The following FAM110B variants were observed in gnomAD, a reference collection of about 807,000 sequenced individuals.
FAM110B encodes family with sequence similarity 110 member B.
FAM110B carries 6 observed loss-of-function variants against 20.4 expected under a neutral mutation model. That is an observed-to-expected ratio of 0.29 (90% CI 0.16 to 0.58). FAM110B has a LOEUF of 0.58. Ranked by LOEUF, FAM110B falls within the 20% of genes least tolerant of loss-of-function variation. FAM110B has a pLI of 0.90. For synonymous variants in FAM110B, 226 were observed against 214.1 expected, an observed-to-expected ratio of 1.06 and a Z score of -0.49; for missense variants, 434 against 498.2, an observed-to-expected ratio of 0.87 and a Z score of 1.23.
At chr8:57,998,587 G>A (rs776192553) in intron 1 of FAM110B, among the ~76,000 whole-genome samples, 31 of 152,258 alleles carry the variant, frequency 2.0e-4, no homozygotes, top group Non-Finnish European at 4.0e-4. Flanking sequence ...ATACAAAAAT[G>A]TAATATTTGG....
At chr8:58,049,390 T>G (rs963493304) in intron 2 of FAM110B, among the ~76,000 whole-genome samples, 1 of 152,178 alleles carries the variant, frequency 6.6e-6, no homozygotes, top group Non-Finnish European at 1.5e-5. Flanking sequence ...AAATATTTCT[T>G]GAAAAGCTAG....
chr8:58,011,972 T>A (rs1306238454), intron 1 of FAM110B, among the ~76,000 whole-genome samples: 1 of 152,188 alleles, frequency 6.6e-6, no homozygotes, highest in Non-Finnish European at 1.5e-5. Context: ...TGAAGGATAT[T>A]CCAGAGATGG....
intron 3 of FAM110B, among the ~76,000 whole-genome samples, chr8:58,081,478 A>C (rs113289919): frequency 5.3e-5 from 8 of 152,312 alleles, no homozygotes; most frequent in African/African-American, 1.9e-4. Flanking sequence ...AATTGCTGGG[A>C]TTATAGGCGT....
At chr8:58,081,120 A>G (rs1403490727) in intron 3 of FAM110B, among the ~76,000 whole-genome samples, 1 of 151,722 alleles carries the variant, frequency 6.6e-6, no homozygotes, top group African/African-American at 2.4e-5. Flanking sequence ...TCACCAAACA[A>G]CCCCATTACT....
intron 2 of FAM110B, among the ~76,000 whole-genome samples, chr8:58,074,214 T>G (rs968812899): frequency 2.6e-5 from 4 of 152,122 alleles, no homozygotes; most frequent in Non-Finnish European, 5.9e-5. Context: ...TAACTCTAAC[T>G]CTGGTTTGTT....
At chr8:58,136,154 G>A (rs1803608789) in intron 3 of FAM110B, among the ~76,000 whole-genome samples, 2 of 151,952 alleles carry the variant, frequency 1.3e-5, no homozygotes, top group African/African-American at 2.4e-5. Flanking sequence ...TGGGATTACA[G>A]GCACGTGCCA....
intron 2 of FAM110B, among the ~76,000 whole-genome samples, chr8:58,044,225 C>T (rs1399826501): frequency 6.6e-6 from 1 of 152,162 alleles, no homozygotes; most frequent in Admixed American, 6.5e-5. Context: ...AATGTGCAAT[C>T]CTAGGGGTGC....
chr8:58,036,680 C>T (rs538371974), intron 2 of FAM110B, among the ~76,000 whole-genome samples: 1 of 152,320 alleles, frequency 6.6e-6, no homozygotes, highest in South Asian at 2.1e-4. Context: ...CACATGTGCA[C>T]ATGCAAACAC....
intron 3 of FAM110B, among the ~76,000 whole-genome samples, chr8:58,143,046 C>T (rs1009739355): frequency 1.3e-5 from 2 of 152,232 alleles, no homozygotes; most frequent in African/African-American, 2.4e-5. Context: ...AAAGTCTACA[C>T]TACAAAACTC....
At chr8:58,027,583 G>A (rs1433749540) in intron 1 of FAM110B, among the ~76,000 whole-genome samples, 3 of 152,032 alleles carry the variant, frequency 2.0e-5, no homozygotes, top group African/African-American at 4.8e-5. Flanking sequence ...GTGTTCTGTC[G>A]GGCGTCTTTG....
intron 2 of FAM110B, among the ~76,000 whole-genome samples, chr8:58,051,921 A>G (rs1234030651): frequency 6.6e-6 from 1 of 152,164 alleles, no homozygotes. Flanking sequence ...TGGATAATGG[A>G]TCTATAACAT....
chr8:58,095,086 G>A (rs531883972), intron 3 of FAM110B, among the ~76,000 whole-genome samples: 6 of 152,058 alleles, frequency 3.9e-5, no homozygotes, highest in South Asian at 4.2e-4. Flanking sequence ...TTGTGGGATC[G>A]GTGGTGATAT....
At chr8:58,143,199 C>T (rs1803779347) in intron 3 of FAM110B, among the ~76,000 whole-genome samples, 1 of 152,248 alleles carries the variant, frequency 6.6e-6, no homozygotes, top group Non-Finnish European at 1.5e-5. Flanking sequence ...AGTAGGTTTA[C>T]TTTGTTGGCT....
intron 3 of FAM110B, among the ~76,000 whole-genome samples, chr8:58,080,499 C>A (rs1264133998): frequency 6.6e-6 from 1 of 152,154 alleles, no homozygotes; most frequent in African/African-American, 2.4e-5. Flanking sequence ...TTCTCACTTT[C>A]TTTTCAACCT....
chr8:58,010,013 T>C (rs1469645673), intron 1 of FAM110B, among the ~76,000 whole-genome samples: 1 of 152,158 alleles, frequency 6.6e-6, no homozygotes, highest in Non-Finnish European at 1.5e-5. Context: ...CGGCTCTCTC[T>C]GTAGCTGGTG....
intron 3 of FAM110B, among the ~76,000 whole-genome samples, chr8:58,081,966 A>G (rs1042120324): frequency 1.2e-4 from 18 of 152,146 alleles, no homozygotes; most frequent in Admixed American, 1.0e-3. Flanking sequence ...CTTAAATTGT[A>G]TGATCAATTT....
intron 2 of FAM110B, among the ~76,000 whole-genome samples, chr8:58,068,056 A>T (rs1476579310): frequency 6.6e-6 from 1 of 152,232 alleles, no homozygotes; most frequent in Non-Finnish European, 1.5e-5. Context: ...CAGCTTTTTC[A>T]GTGCCTATTT....
At chr8:58,039,171 AG>A (rs1233712450) in intron 2 of FAM110B, among the ~76,000 whole-genome samples, 1 of 152,210 alleles carries the variant, frequency 6.6e-6, no homozygotes, top group Non-Finnish European at 1.5e-5. Flanking sequence ...TGGCACTCAC[AG>A]GGCCCCTCCT....
intron 3 of FAM110B, among the ~76,000 whole-genome samples, chr8:58,124,104 A>G (rs1373991305): frequency 2.0e-5 from 3 of 152,190 alleles, no homozygotes; most frequent in Non-Finnish European, 4.4e-5. Flanking sequence ...AGTGAAGGAG[A>G]CAAAGTGGAA....
Sources: allele counts gnomAD v4.1 joint callset (sites outside exome capture counted in the v4.1 genomes callset), GRCh38; gene constraint gnomAD v4.1.1; transcripts MANE v1.5; gene names NCBI Gene and HGNC (gene_info 2026-07-23, HGNC 2026-07-21).